SLC26A4: variants seen among roughly 807,000 people sequenced by gnomAD.
SLC26A4 encodes the protein pendrin.
In SLC26A4, 93 loss-of-function variants were observed where a neutral mutation model predicts 90.4. The ratio of observed to expected loss-of-function variants is 1.03; its 90% CI spans 0.87 to 1.22. SLC26A4 has a LOEUF of 1.22. Ranked by LOEUF, SLC26A4 falls within the 50% of genes most tolerant of loss-of-function variation. The pLI is 0.00. For synonymous variants in SLC26A4, 393 were observed against 354.6 expected, an observed-to-expected ratio of 1.11 and a Z score of -1.22; for missense variants, 1,127 against 946.2, an observed-to-expected ratio of 1.19 and a Z score of -2.51.
At chr7:107,714,016 G>A (rs1335137879) in intron 20 of SLC26A4, among the ~76,000 whole-genome samples, 3 of 152,090 alleles carry the variant, frequency 2.0e-5, no homozygotes, top group Non-Finnish European at 4.4e-5. Flanking sequence ...CCAGGTTCAA[G>A]AGATTCTCAC....
chr7:107,701,632 G>A (rs768233784), intron 16 of SLC26A4, among the ~76,000 whole-genome samples, 195 bp from the exon 17 acceptor site: 5 of 152,100 alleles, frequency 3.3e-5, no homozygotes, highest in African/African-American at 4.8e-5. Flanking sequence ...AAGTTTCCTG[G>A]CTCCTCTGTT....
chr7:107,685,898 G>C (rs1046872306), intron 8 of SLC26A4, among the ~76,000 whole-genome samples: 1 of 151,806 alleles, frequency 6.6e-6, no homozygotes, highest in Admixed American at 6.6e-5. Context: ...GCTCACGCAC[G>C]TGTATGTGTA....
intron 2 of SLC26A4, chr7:107,662,009 C>G (rs1406538016): frequency 1.6e-6 from 1 of 607,268 alleles, no homozygotes; most frequent in Non-Finnish European, 2.9e-6. Context: ...AGTCTCGGGC[C>G]CGAAATGAAC....
In SLC26A4 at chr7:107,683,264, G is replaced by T. The variant is rs750115706; in HGVS notation, c.828G>T (p.Leu276Phe). ...ATCTTGCTGATTTCACTGCTGGATTGCTCACCATTGTCGTCTGTATGGCAG... is the reference window on the plus strand; with the variant it reads ...ATCTTGCTGATTTCACTGCTGGATTTCTCACCATTGTCGTCTGTATGGCAG... ...DTNLADFTAG[L>F]LTIVVCMAVK... Residue 276 changes from leucine to phenylalanine, a missense_variant, in exon 7 of 21, where the codon TTG (leucine) becomes TTT (phenylalanine). By Grantham distance (22) the Leu-to-Phe change is conservative. Coordinates refer to ENST00000644269, the MANE Select transcript of SLC26A4 (RefSeq NM_000441.2). 1.2e-6 allele frequency: 2 copies of T among 1,613,024 alleles called. No homozygotes were observed. The highest frequency in any genetic ancestry group is 1.7e-6 in the Non-Finnish European group (2 of 1,179,508).
chr7:107,663,221 T>C (rs2129309143), intron 2 of SLC26A4, 75 bp from the exon 3 acceptor site: 2 of 1,484,526 alleles, frequency 1.3e-6, no homozygotes, highest in East Asian at 2.3e-5. Flanking sequence ...CAGAATCCAG[T>C]TCATAACTTT....
At chr7:107,678,598 C>T (rs10241330) in intron 6 of SLC26A4, among the ~76,000 whole-genome samples, 2,571 of 152,300 alleles carry the variant, frequency 0.017, 68 homozygotes, top group African/African-American at 0.056. Flanking sequence ...ATGTAACTTA[C>T]TTCCTGTTGA....
chr7:107,683,255 T>C lies in SLC26A4; in HGVS notation c.819T>C (p.Thr273=), dbSNP rs1160800485. Residue 273 remains threonine (T), a synonymous_variant, in exon 7 of 21, where the codon ACT becomes ACC. Coordinates refer to ENST00000644269, the MANE Select transcript of SLC26A4 (RefSeq NM_000441.2). ...NIGDTNLADF[T]AGLLTIVVCM... is the part of the protein sequence containing the mutation. ...GTGATACCAATCTTGCTGATTTCAC[T>C]GCTGGATTGCTCACCATTGTCGTCT... 2 of 1,613,036 alleles carry C rather than the reference T, an allele frequency of 1.2e-6. No homozygotes were observed. Among genetic ancestry groups the C allele is most frequent in the African/African-American group, 2.7e-5 (2 of 74,904 alleles).
intron 6 of SLC26A4, among the ~76,000 whole-genome samples, chr7:107,676,408 A>G (rs1791025131): frequency 6.6e-6 from 1 of 152,254 alleles, no homozygotes; most frequent in African/African-American, 2.4e-5. Context: ...TGCATAATGT[A>G]AATGTCTCAA....
rs997848557 is a variant in SLC26A4 at position 107,663,318 on chromosome 7, G to A, written c.187G>A (p.Gly63Ser). ...CCSCSRKRAF[G>S]VLKTLVPILE... Reference sequence around the variant, plus strand: ...CAGTTGTTCAAGAAAGAGAGCCTTTGGTGTGCTAAAGACTCTTGTGCCCAT... The same window carrying A: ...CAGTTGTTCAAGAAAGAGAGCCTTTAGTGTGCTAAAGACTCTTGTGCCCAT... Residue 63 changes from glycine to serine, a missense_variant, in exon 3 of 21, where the codon GGT becomes AGT. Transcript: ENST00000644269. The A allele has an allele frequency of 1.1e-5, 17 of 1,614,046 alleles. No homozygotes were observed. Among genetic ancestry groups the A allele is most frequent in the Middle Eastern group, 1.6e-4 (1 of 6,084 alleles).
rs758296757 is a variant in SLC26A4, at chr7:107,689,184, C to T, written c.1133C>T (p.Thr378Ile). 1.2e-5 allele frequency: 19 copies of T among 1,613,572 alleles called. No homozygotes were observed. Among genetic ancestry groups the T allele is most frequent in the Non-Finnish European group, 1.6e-5 (19 of 1,179,738 alleles). ...GKVYATKYDY[T>I]IDGNQEFIAF... The stretch of plus-strand genomic sequence containing the variant: ...GTATATGCCACCAAGTATGATTACA[C>T]CATCGATGGGAACCAGGTATGGGTG... The change falls in exon 9 of 21, where the codon ACC becomes ATC. Residue 378 changes from threonine (T) to isoleucine (I), a missense_variant. Transcript: ENST00000644269.
Position 107,675,100 on chromosome 7 carries a change from T to C in SLC26A4, c.756T>C (p.Ser252=), listed in dbSNP as rs1790986272. 1 of 1,613,262 alleles carries C rather than the reference T, an allele frequency of 6.2e-7. No homozygotes were observed. The highest frequency in any genetic ancestry group is 8.5e-7 in the Non-Finnish European group (1 of 1,179,576). Residue 252 remains serine, a synonymous_variant, in exon 6 of 21, where the codon TCT becomes TCC. Coordinates refer to ENST00000644269, the MANE Select transcript of SLC26A4 (RefSeq NM_000441.2). ...CCAAAAACTACAATGGAGTTCTCTC[T>C]ATTATCTATGTAAGTGTTGCTTCTT... ...VSTKNYNGVL[S]IIYTLVEIFQ...
In SLC26A4 at chr7:107,661,785, G is replaced by A; in HGVS notation, c.144G>A (p.Glu48=). 6.5e-7 allele frequency: 1 copy of A among 1,539,492 alleles called. No homozygotes were observed. The highest frequency in any genetic ancestry group is 1.2e-5 in the South Asian group (1 of 84,048). Residue 48 remains glutamate, a synonymous_variant, in exon 2 of 21, where the codon GAG becomes GAA. Transcript: ENST00000644269. This position sits in a 1 kb window ranked among gnomAD's most constrained non-coding sequence, Gnocchi z 5.1. ...RRLQERKTLR[E]SLAKCCSCSR... is the part of the protein sequence containing the mutation. The stretch of plus-strand genomic sequence containing the variant: ...TGCAGGAGCGCAAGACGCTGCGGGA[G>A]AGCCTGGCCAAGTGCTGCAGGTAGC...
rs1393712127 is a variant in SLC26A4 at position 107,674,237 on chromosome 7, A to G, written c.489A>G (p.Val163=). The change falls in exon 5 of 21, where the codon GTA becomes GTG. Residue 163 remains valine (V), a synonymous_variant. Coordinates refer to ENST00000644269, the MANE Select transcript of SLC26A4 (RefSeq NM_000441.2). ...TGGCCCCCGACGAACACTTTCTCGT[A>G]TCCAGCAGCAATGGAACTGTATTAA... is the stretch of plus-strand genomic sequence containing the variant. ...LSMAPDEHFL[V]SSSNGTVLNT... The G allele has an allele frequency of 6.2e-7, 1 of 1,614,114 alleles. No individual in the cohort carries two copies. The highest frequency in any genetic ancestry group is 8.5e-7 in the Non-Finnish European group (1 of 1,180,006).
At chr7:107,674,462 C>T (rs1327200615) in intron 5 of SLC26A4, 114 bp downstream of exon 5, 9 of 900,790 alleles carry the variant, frequency 1.0e-5, no homozygotes, top group Middle Eastern at 3.3e-4. Context: ...TTCCTGGAAC[C>T]CAAAATTATT....
At chr7:107,697,282 G>A (rs568769818) in intron 13 of SLC26A4, among the ~76,000 whole-genome samples, 28 of 152,330 alleles carry the variant, frequency 1.8e-4, no homozygotes, top group African/African-American at 6.0e-4. Flanking sequence ...TGTAAGCCAA[G>A]GAATAACTGG....
intron 8 of SLC26A4, 34 bp downstream of exon 8, chr7:107,683,571 T>C: frequency 6.8e-7 from 1 of 1,463,584 alleles, no homozygotes; most frequent in Non-Finnish European, 9.6e-7. Context: ...ACTAATACAT[T>C]AAGTCAGTAA....
At chr7:107,712,465 C>G in intron 19 of SLC26A4, 74 bp from the exon 20 acceptor site, 1 of 803,756 alleles carries the variant, frequency 1.2e-6, no homozygotes, top group Middle Eastern at 2.2e-4. Flanking sequence ...ACCAGGAAAG[C>G]TTCAAATCAT....
intron 10 of SLC26A4, among the ~76,000 whole-genome samples, chr7:107,691,164 C>A (rs374742148): frequency 6.7e-6 from 1 of 148,758 alleles, no homozygotes; most frequent in Non-Finnish European, 1.5e-5. Context: ...CATGCACAGT[C>A]TTCACAGTCT....
At position 107,701,669 on chromosome 7, in the gene SLC26A4, C is replaced by A. The variant is rs1584336808; in HGVS notation, c.1804-158C>A. Among the ~76,000 whole-genome samples the A allele has an allele frequency of 2.6e-5, 4 of 152,158 alleles. No homozygotes were observed. In the East Asian group the frequency reaches 7.7e-4, roughly 29 times the overall value. On this transcript the variant is annotated intron_variant, in intron 16 of 20. Coordinates refer to ENST00000644269, the MANE Select transcript of SLC26A4 (RefSeq NM_000441.2). Reference sequence around the variant, plus strand: ...TCCCAGTTTTCTTCCTAGACAACATCAAAGTTTGGGCTGAGGTGAAACCCA... The same window carrying A: ...TCCCAGTTTTCTTCCTAGACAACATAAAAGTTTGGGCTGAGGTGAAACCCA...
Sources: gnomAD v4.1 joint callset for allele counts (sites outside exome capture counted in the v4.1 genomes callset) on GRCh38, gnomAD v4.1.1 for gene constraint, Gnocchi (gnomAD v3.1) non-coding constraint, MANE v1.5 for transcripts, NCBI Gene and HGNC (gene_info 2026-07-23, HGNC 2026-07-21) for gene names.